The following STK32B variants were observed in gnomAD, a reference collection of about 807,000 sequenced individuals.
STK32B encodes serine/threonine-protein kinase 32B.
Under a neutral mutation model 52.6 loss-of-function variants are expected in STK32B, and 43 were observed. The observed-to-expected ratio is 0.82, with a 90% CI of 0.64 to 1.05. The LOEUF (loss-of-function observed/expected upper bound fraction) is 1.05, where lower values mean the gene tolerates loss of function less well. Ranked by LOEUF, STK32B falls within the 50% of genes least tolerant of loss-of-function variation. The pLI, the probability that STK32B is intolerant of heterozygous loss-of-function variation, is 0.00. For synonymous variants in STK32B, 238 were observed against 204.3 expected (o/e 1.17, Z -1.41); for missense variants, 621 against 534.6 (o/e 1.16, Z -1.59).
intron 1 of STK32B, 35 bp downstream of exon 1, chr4:5,051,950 G>T (rs1462854022): frequency 1.9e-6 from 3 of 1,561,424 alleles, no homozygotes; most frequent in South Asian, 2.4e-5. Flanking sequence ...CCCGCTTCGC[G>T]GGGCATCCCC....
intron 4 of STK32B, among the ~76,000 whole-genome samples, chr4:5,383,918 C>T (rs886904255): frequency 3.3e-5 from 5 of 152,128 alleles, no homozygotes; most frequent in Non-Finnish European, 7.3e-5. Flanking sequence ...AGACACAACA[C>T]GTGGATACAG....
intron 3 of STK32B, among the ~76,000 whole-genome samples, chr4:5,315,004 C>A (rs771577429): frequency 6.6e-6 from 1 of 151,916 alleles, no homozygotes; most frequent in Non-Finnish European, 1.5e-5. Context: ...GATTTATGCT[C>A]GGCAGAAGAC....
At chr4:5,164,129 C>T (rs997260019) in intron 2 of STK32B, among the ~76,000 whole-genome samples, 4 of 152,170 alleles carry the variant, frequency 2.6e-5, no homozygotes, top group Admixed American at 1.3e-4. Flanking sequence ...ACTTCCTAAA[C>T]CAGGTAGCTT....
intron 5 of STK32B, among the ~76,000 whole-genome samples, chr4:5,402,554 C>T (rs17366531): frequency 0.038 from 5,824 of 152,296 alleles, 112 homozygotes; most frequent in Non-Finnish European, 0.043. Context: ...CCAGTGACCA[C>T]AGAAGGCAGA....
At chr4:5,093,244 G>C (rs971057663) in intron 1 of STK32B, among the ~76,000 whole-genome samples, 1 of 152,088 alleles carries the variant, frequency 6.6e-6, no homozygotes. Flanking sequence ...TATTATAAAA[G>C]GTTAACATTT....
chr4:5,265,443 G>A (rs912855564), intron 3 of STK32B, among the ~76,000 whole-genome samples: 1 of 152,232 alleles, frequency 6.6e-6, no homozygotes, highest in East Asian at 1.9e-4. Context: ...ACTACGCCCC[G>A]AAGCTTTGCC....
At chr4:5,310,845 A>C (rs1253330779) in intron 3 of STK32B, among the ~76,000 whole-genome samples, 2 of 152,226 alleles carry the variant, frequency 1.3e-5, no homozygotes, top group Non-Finnish European at 2.9e-5. Flanking sequence ...TACATGATAG[A>C]GTACTATTTA....
chr4:5,466,024 G>A (rs1459320283), intron 9 of STK32B, among the ~76,000 whole-genome samples: 1 of 152,194 alleles, frequency 6.6e-6, no homozygotes, highest in Non-Finnish European at 1.5e-5. Flanking sequence ...TTTCCCCTGT[G>A]CGCGCCAAAG....
chr4:5,167,362 T>A (rs1469095185), intron 2 of STK32B, among the ~76,000 whole-genome samples: 1 of 152,156 alleles, frequency 6.6e-6, no homozygotes, highest in African/African-American at 2.4e-5. Context: ...AGGGATTCAG[T>A]GAGATGGTCA....
chr4:5,085,428 A>G (rs1712678284), intron 1 of STK32B, among the ~76,000 whole-genome samples: 1 of 152,240 alleles, frequency 6.6e-6, no homozygotes. Flanking sequence ...AACTTTATTT[A>G]AGGTTAATGT....
At chr4:5,112,042 C>T (rs1419292938) in intron 1 of STK32B, among the ~76,000 whole-genome samples, 1 of 152,146 alleles carries the variant, frequency 6.6e-6, no homozygotes, top group East Asian at 1.9e-4. Context: ...GATATTGGCC[C>T]ACCCATGCCC....
chr4:5,336,176 A>G (rs1276395896), intron 4 of STK32B, among the ~76,000 whole-genome samples: 1 of 149,246 alleles, frequency 6.7e-6, no homozygotes, highest in Non-Finnish European at 1.5e-5. Flanking sequence ...ACCCACCCAC[A>G]CACACACAAC....
In STK32B at chr4:5,238,655, A is replaced by G. The variant is rs564961801; in HGVS notation, c.260+70205A>G. 6.9e-4 allele frequency among the ~76,000 whole-genome samples: 105 copies of G among 152,328 alleles called. 1 individual carries two copies. The highest frequency in any genetic ancestry group is 6.6e-3 in the Admixed American group (101 of 15,294). ...TTTCGGGCTTAAATTCTGGATTCAA[A>G]TCTGGCAATTTAAAATTTAGCCGTG... On this transcript the variant is annotated intron_variant, in intron 3 of 11. Transcript: ENST00000282908.
In STK32B at chr4:5,316,411, AAT is replaced by A. The variant is rs1468776277; in HGVS notation, c.261-14802_261-14801del. Reference sequence around the variant, plus strand: ...ATAATATATTACATATATAATATATAATATATATTACATATATAATATATAAT... The same window carrying A: ...ATAATATATTACATATATAATATATAATATATTACATATATAATATATAAT... On this transcript the variant is annotated intron_variant, in intron 3 of 11. Transcript: ENST00000282908. 1.4e-3 allele frequency among the ~76,000 whole-genome samples: 38 copies of A among 26,668 alleles called. 1 individual carries two copies. Among genetic ancestry groups the A allele is most frequent in the Non-Finnish European group, 1.6e-3 (32 of 20,496 alleles). 17.5% of individuals were successfully genotyped at this position (26,668 alleles called of 152,430 possible). A position where few individuals can be genotyped will look rare whatever the true frequency, so the allele number is the denominator to read the frequency against.
chr4:5,338,528 A>T (rs1423243777), intron 4 of STK32B, among the ~76,000 whole-genome samples: 1 of 152,178 alleles, frequency 6.6e-6, no homozygotes, highest in East Asian at 1.9e-4. Context: ...TTCATGAACT[A>T]GAGTGCAATA....
chr4:5,309,915 C>A (rs557582494), intron 3 of STK32B, among the ~76,000 whole-genome samples: 36 of 152,222 alleles, frequency 2.4e-4, no homozygotes, highest in Non-Finnish European at 4.6e-4. Flanking sequence ...CTTGTAATCC[C>A]AGCACTTTGG....
At chr4:5,153,801 A>AT (rs752770537) in intron 2 of STK32B, among the ~76,000 whole-genome samples, 255 of 152,276 alleles carry the variant, frequency 1.7e-3, no homozygotes, top group Non-Finnish European at 2.5e-3. Flanking sequence ...AAACTACAAA[A>AT]TGTCTACTAG....
chr4:5,372,075 G>A (rs1169249839), intron 4 of STK32B, among the ~76,000 whole-genome samples: 1 of 152,252 alleles, frequency 6.6e-6, no homozygotes, highest in East Asian at 1.9e-4. Context: ...AGATACAGCA[G>A]ATGGCACAGA....
intron 3 of STK32B, among the ~76,000 whole-genome samples, chr4:5,189,790 C>G (rs1721036668): frequency 6.6e-6 from 1 of 152,110 alleles, no homozygotes; most frequent in Admixed American, 6.5e-5. Context: ...AATGAGAGTT[C>G]CTGCTGCTCC....
Sources: gnomAD v4.1 joint callset for allele counts (sites outside exome capture counted in the v4.1 genomes callset) on GRCh38, gnomAD v4.1.1 for gene constraint, MANE v1.5 for transcripts, NCBI Gene and HGNC (gene_info 2026-07-23, HGNC 2026-07-21) for gene names.